Variants in MCPH1 observed in about 807,000 individuals in gnomAD.
MCPH1 encodes the protein microcephalin 1, also known as microcephalin.
In MCPH1, 104 loss-of-function variants were observed where a neutral mutation model predicts 84.5. That is an observed-to-expected ratio of 1.23 (90% CI 1.05 to 1.45). The LOEUF (loss-of-function observed/expected upper bound fraction) is 1.45. MCPH1 is among the 40% of genes most tolerant of loss of function. The pLI is 0.00. For missense variants in MCPH1, 1,498 were observed against 1,005.7 expected (o/e 1.49, Z -6.62); for synonymous variants, 514 against 366.8 (o/e 1.40, Z -4.58).
At chr8:6,621,821 C>T in intron 13 of MCPH1, 130 bp downstream of exon 13, 1 of 1,235,626 alleles carries the variant, frequency 8.1e-7, no homozygotes, top group Non-Finnish European at 1.2e-6. Context: ...CAGCCTCCAG[C>T]ATCTGCCCTG....
At chr8:6,465,935 C>G (rs1340599057) in intron 9 of MCPH1, among the ~76,000 whole-genome samples, 3 of 114,582 alleles carry the variant, frequency 2.6e-5, no homozygotes, top group Non-Finnish European at 5.8e-5. Flanking sequence ...ATCCATCCAT[C>G]CATCCATCCA....
rs1563305932 is a variant in MCPH1 at position 6,505,308 on chromosome 8, T to G, written c.2214+5379T>G. ...TATGTTATATACATATATATGTATA[T>G]AACATATATATGTTATATACATATA... is the stretch of plus-strand genomic sequence containing the variant. On this transcript the variant is annotated intron_variant, in intron 12 of 13. Transcript: ENST00000344683. Among the ~76,000 whole-genome samples the G allele has an allele frequency of 1.3e-4, 6 of 44,796 alleles. 2 individuals carry two copies. The highest frequency in any genetic ancestry group is 8.5e-4 in the African/African-American group (6 of 7,036). The allele number at this position is 44,796 out of a possible 152,430, so 29.4% of individuals were successfully genotyped here.
chr8:6,462,308 C>T (rs1210257406), intron 9 of MCPH1, among the ~76,000 whole-genome samples: 1 of 152,226 alleles, frequency 6.6e-6, no homozygotes, highest in Non-Finnish European at 1.5e-5. Context: ...CCCATAAGGA[C>T]ATAGTCTATA....
intron 13 of MCPH1, chr8:6,642,743 A>C (rs1204383908): frequency 5.5e-6 from 3 of 549,632 alleles, no homozygotes; most frequent in African/African-American, 1.9e-5. Flanking sequence ...CCCTGCATCT[A>C]ATGGGACATG....
chr8:6,623,833 T>C (rs1429373552), intron 13 of MCPH1, among the ~76,000 whole-genome samples: 1 of 152,208 alleles, frequency 6.6e-6, no homozygotes, highest in Non-Finnish European at 1.5e-5. Context: ...TGTTTTGTTT[T>C]TCTGGAGAAG....
intron 13 of MCPH1, chr8:6,625,465 G>T (rs568120444): frequency 1.0e-6 from 1 of 984,898 alleles, no homozygotes; most frequent in Non-Finnish European, 1.2e-6. Flanking sequence ...TCAAAATATC[G>T]CAATATTGAA....
chr8:6,523,080 C>A (rs1817668062), intron 12 of MCPH1, among the ~76,000 whole-genome samples: 1 of 152,056 alleles, frequency 6.6e-6, no homozygotes, highest in Non-Finnish European at 1.5e-5. Context: ...TCACTGCAAC[C>A]TTCACCTCCC....
At chr8:6,414,041 C>T (rs1176652103) in intron 2 of MCPH1, among the ~76,000 whole-genome samples, 2 of 152,316 alleles carry the variant, frequency 1.3e-5, no homozygotes, top group African/African-American at 4.8e-5. Flanking sequence ...GTGTGAACCA[C>T]CACACCCAGT....
At chr8:6,580,161 G>A (rs58624812) in intron 12 of MCPH1, among the ~76,000 whole-genome samples, 16,518 of 152,154 alleles carry the variant, frequency 0.11, 962 homozygotes, top group South Asian at 0.14. Flanking sequence ...GTCCACCAAG[G>A]TTCTTGGGCT....
chr8:6,611,033 C>T (rs1280291768), intron 12 of MCPH1, among the ~76,000 whole-genome samples: 1 of 152,056 alleles, frequency 6.6e-6, no homozygotes, highest in Non-Finnish European at 1.5e-5. Context: ...CAGAACTGTT[C>T]CTCTAAAAGA....
At chr8:6,443,724 C>T (rs919456710) in intron 7 of MCPH1, among the ~76,000 whole-genome samples, 1 of 152,206 alleles carries the variant, frequency 6.6e-6, no homozygotes, top group South Asian at 2.1e-4. Flanking sequence ...GGGAGGGTCC[C>T]AGGGATGTTG....
intron 12 of MCPH1, among the ~76,000 whole-genome samples, chr8:6,611,650 A>G (rs372708354): frequency 3.8e-4 from 58 of 151,300 alleles, no homozygotes; most frequent in Middle Eastern, 6.9e-3. Context: ...ACATAGTCTC[A>G]CTCTGTCTCC....
intron 12 of MCPH1, among the ~76,000 whole-genome samples, chr8:6,617,891 T>TA (rs1323001383): frequency 8.0e-6 from 1 of 124,676 alleles, no homozygotes; most frequent in Non-Finnish European, 1.8e-5. Context: ...TCTATCTATC[T>TA]ATCTATCTAA....
At chr8:6,500,915 A>G (rs777839519) in intron 12 of MCPH1, 1 of 152,188 alleles carries the variant, frequency 6.6e-6, no homozygotes, top group Non-Finnish European at 1.5e-5. Context: ...TGTTGTTGCC[A>G]GTTTTTCCTG....
At chr8:6,603,762 C>T (rs751839822) in intron 12 of MCPH1, among the ~76,000 whole-genome samples, 9 of 152,272 alleles carry the variant, frequency 5.9e-5, no homozygotes, top group Non-Finnish European at 1.3e-4. Flanking sequence ...GACTTAGTAA[C>T]AAACTCTGAA....
At chr8:6,593,712 C>A (rs1828698247) in intron 12 of MCPH1, among the ~76,000 whole-genome samples, 1 of 152,046 alleles carries the variant, frequency 6.6e-6, no homozygotes, top group African/African-American at 2.4e-5. Flanking sequence ...TCTTAGGCAC[C>A]CTTATAAATA....
chr8:6,629,947 G>A (rs1054110750), intron 13 of MCPH1, among the ~76,000 whole-genome samples: 2 of 152,216 alleles, frequency 1.3e-5, no homozygotes, highest in African/African-American at 2.4e-5. Context: ...GCCACTGACT[G>A]TTGTGGTCTC....
intron 1 of MCPH1, among the ~76,000 whole-genome samples, chr8:6,407,724 G>A (rs906732235): frequency 6.6e-6 from 1 of 152,048 alleles, no homozygotes; most frequent in African/African-American, 2.4e-5. Context: ...ATTGACCAAC[G>A]GCACACCTGG....
At chr8:6,571,255 T>C (rs1826639952) in intron 12 of MCPH1, among the ~76,000 whole-genome samples, 1 of 150,090 alleles carries the variant, frequency 6.7e-6, no homozygotes, top group Non-Finnish European at 1.5e-5. Context: ...CCCTGTAGAA[T>C]GAAATGCTAA....
Sources: gnomAD v4.1 joint callset for allele counts (sites outside exome capture counted in the v4.1 genomes callset) on GRCh38, gnomAD v4.1.1 for gene constraint, MANE v1.5 for transcripts, NCBI Gene and HGNC (gene_info 2026-07-23, HGNC 2026-07-21) for gene names.